GSE1: variants seen among roughly 807,000 people sequenced by gnomAD.
GSE1 encodes the protein Gse1 coiled-coil protein.
GSE1 carries 32 observed loss-of-function variants against 112.6 expected under a neutral mutation model. That is an observed-to-expected ratio of 0.28 (90% CI 0.21 to 0.38). The LOEUF is 0.38. GSE1 is among the 10% of genes least tolerant of loss of function. The pLI, the probability that GSE1 is intolerant of heterozygous loss-of-function variation, is 1.00. For missense variants in GSE1, 2,348 were observed against 1,699.2 expected (o/e 1.38, Z -6.71); for synonymous variants, 1,115 against 735.6 (o/e 1.52, Z -8.35).
Position 85,661,524 on chromosome 16 carries a change from C to G in GSE1, c.2019C>G (p.Pro673=), listed in dbSNP as rs765805247. ...EHQPFLPGPG[P]FLAELEKSTQ... ...AGCCCTTCCTGCCCGGGCCCGGGCC[C>G]TTCCTGGCTGAGCTCGAGAAGTCCA... Residue 673 remains proline (P), a synonymous_variant, in exon 9 of 16, where the codon CCC becomes CCG. Coordinates refer to ENST00000253458, the MANE Select transcript of GSE1 (RefSeq NM_014615.5). The G allele has an allele frequency of 3.0e-5, 48 of 1,612,110 alleles. No individual in the cohort carries two copies. Among genetic ancestry groups the G allele is most frequent in the Non-Finnish European group, 3.7e-5 (44 of 1,179,752 alleles).
intron 1 of GSE1, among the ~76,000 whole-genome samples, chr16:85,633,512 A>C (rs1181523496): frequency 6.6e-6 from 1 of 152,116 alleles, no homozygotes; most frequent in Admixed American, 6.5e-5. Context: ...GCGTGTTTCT[A>C]TCCTGAGGAT....
At chr16:85,170,327 G>T in exon 1 of GSE1, 3 of 985,498 alleles carry the variant, frequency 3.0e-6, no homozygotes, top group Non-Finnish European at 3.6e-6. Flanking sequence ...CCCGAGGCCC[G>T]GGCCAGCGTC....
At chr16:85,611,372 TGCGGGTATAAATTACCCGGGCCCGC>T, upstream of GSE1, 9 of 616,146 alleles carry the variant, frequency 1.5e-5, no homozygotes, top group Non-Finnish European at 1.8e-5. Context: ...CGCCGGCCAG[TGCGGGTATAAATTACCCGGGCCCGC>T]GCGGCCGAGC....
intron 2 of GSE1, among the ~76,000 whole-genome samples, chr16:85,525,365 G>A (rs1258228780): frequency 6.6e-6 from 1 of 152,234 alleles, no homozygotes; most frequent in South Asian, 2.1e-4. Flanking sequence ...CGAGGGAAGG[G>A]CGGCTGTGGG....
intron 2 of GSE1, among the ~76,000 whole-genome samples, chr16:85,398,804 G>T (rs1221141232): frequency 6.6e-6 from 1 of 152,138 alleles, no homozygotes; most frequent in Admixed American, 6.5e-5. Context: ...ACATGGTCCC[G>T]CACAGAGAAT....
chr16:85,286,807 G>A (rs187012526), intron 1 of GSE1, among the ~76,000 whole-genome samples: 6 of 152,222 alleles, frequency 3.9e-5, no homozygotes, highest in Admixed American at 3.9e-4. Context: ...TATGATCAGC[G>A]AGTGGGATGT....
chr16:85,631,291 T>C (rs1468121789), intron 1 of GSE1, among the ~76,000 whole-genome samples: 1 of 152,186 alleles, frequency 6.6e-6, no homozygotes, highest in South Asian at 2.1e-4. Context: ...ATGTTGGCCA[T>C]GTCCTCCAGT....
rs771770443 is a variant in GSE1, at chr16:85,513,573, G to A, written c.2465-120341G>A. ...CAAAACACATTCCCAGGCTTCACTG[G>A]GCCAGCCCCTTCTTTGTCTGTCCAG... On this transcript the variant is annotated intron_variant, in intron 2 of 2. Coordinates refer to the GSE1 transcript ENST00000637419. Among the ~76,000 whole-genome samples the A allele has an allele frequency of 5.4e-4, 82 of 152,142 alleles. No individual in the cohort carries two copies. In the Middle Eastern group the frequency reaches 0.01, roughly 19 times the overall value.
intron 1 of GSE1, among the ~76,000 whole-genome samples, chr16:85,356,354 G>T (rs904955138): frequency 6.6e-6 from 1 of 152,252 alleles, no homozygotes. Context: ...CCTGGCCCTC[G>T]CACGGGTCCG....
intron 1 of GSE1, among the ~76,000 whole-genome samples, chr16:85,221,712 G>C (rs571266963): frequency 7.9e-5 from 12 of 152,310 alleles, no homozygotes; most frequent in Non-Finnish European, 1.3e-4. Flanking sequence ...AGCCCTTTAA[G>C]CCCAGAGCCA....
chr16:85,555,862 C>A, upstream of GSE1: 1 of 901,134 alleles, frequency 1.1e-6, no homozygotes, highest in Non-Finnish European at 1.3e-6. Context: ...CCCTGAAGAT[C>A]TTAACCCCCC....
chr16:85,487,513 C>T (rs1050427813), intron 2 of GSE1, among the ~76,000 whole-genome samples: 3 of 152,184 alleles, frequency 2.0e-5, no homozygotes, highest in African/African-American at 4.8e-5. Context: ...ACAGTGACCA[C>T]ATTATTCCCC....
At chr16:85,449,302 T>G (rs2049602411) in intron 2 of GSE1, among the ~76,000 whole-genome samples, 1 of 152,180 alleles carries the variant, frequency 6.6e-6, no homozygotes, top group Non-Finnish European at 1.5e-5. Context: ...CCTAACCGAC[T>G]TTTCTGGATG....
intron 1 of GSE1, among the ~76,000 whole-genome samples, chr16:85,339,272 G>A (rs1328903053): frequency 1.3e-5 from 2 of 152,210 alleles, no homozygotes; most frequent in Non-Finnish European, 2.9e-5. Flanking sequence ...CAAGCTGGCT[G>A]ACCCGGGATT....
chr16:85,559,576 T>G (rs1219036396), intron 1 of GSE1, among the ~76,000 whole-genome samples: 1 of 152,208 alleles, frequency 6.6e-6, no homozygotes, highest in Non-Finnish European at 1.5e-5. Context: ...CAGTTCACAG[T>G]CAGGCTGGCA....
chr16:85,569,927 C>G (rs1358313258), intron 1 of GSE1, among the ~76,000 whole-genome samples: 1 of 152,182 alleles, frequency 6.6e-6, no homozygotes, highest in Non-Finnish European at 1.5e-5. Context: ...CACTTCCTGC[C>G]TGAGCCCTAG....
At chr16:85,427,555 T>C (rs1052437896) in intron 2 of GSE1, among the ~76,000 whole-genome samples, 2 of 152,152 alleles carry the variant, frequency 1.3e-5, no homozygotes, top group African/African-American at 4.8e-5. Context: ...GGCAGGAGAA[T>C]CGCTTGAACT....
intron 1 of GSE1, among the ~76,000 whole-genome samples, chr16:85,344,876 G>T (rs569974226): frequency 6.6e-6 from 1 of 152,240 alleles, no homozygotes; most frequent in Non-Finnish European, 1.5e-5. Context: ...GCTTCAGAAC[G>T]AGCTGTCTGC....
intron 1 of GSE1, among the ~76,000 whole-genome samples, chr16:85,331,569 AT>A (rs1286331662): frequency 0.025 from 2,582 of 102,850 alleles, 130 homozygotes; most frequent in African/African-American, 0.091. Flanking sequence ...ATATGTGTAT[AT>A]ATGTGTACAT....
Sources: gnomAD v4.1 joint callset for allele counts (sites outside exome capture counted in the v4.1 genomes callset) on GRCh38, gnomAD v4.1.1 for gene constraint, MANE v1.5 for transcripts, NCBI Gene and HGNC (gene_info 2026-07-23, HGNC 2026-07-21) for gene names.